The following IQCJ variants were observed in gnomAD, a reference collection of about 807,000 sequenced individuals.
IQCJ encodes IQ motif containing J.
Under a neutral mutation model 11.0 loss-of-function variants are expected in IQCJ, and 9 were observed. The observed-to-expected ratio is 0.82, with a 90% CI of 0.49 to 1.43. The LOEUF (loss-of-function observed/expected upper bound fraction) is 1.43. Ranked by LOEUF, IQCJ falls within the 40% of genes most tolerant of loss-of-function variation. The probability of loss-of-function intolerance (pLI) is 0.00; values close to 1 mark genes in which losing one functional copy is unlikely to be tolerated. For missense variants in IQCJ, 146 were observed against 133.2 expected, an observed-to-expected ratio of 1.10 and a Z score of -0.47; for synonymous variants, 55 against 51.3, an observed-to-expected ratio of 1.07 and a Z score of -0.31.
intron 2 of IQCJ, among the ~76,000 whole-genome samples, chr3:159,250,771 C>T (rs1727549452): frequency 6.6e-6 from 1 of 152,164 alleles, no homozygotes; most frequent in South Asian, 2.1e-4. Context: ...TTATTACAAT[C>T]CAAGGTGAGA....
At chr3:159,145,103 G>T (rs1720848493) in intron 1 of IQCJ, among the ~76,000 whole-genome samples, 1 of 152,164 alleles carries the variant, frequency 6.6e-6, no homozygotes, top group Non-Finnish European at 1.5e-5. Flanking sequence ...TCCTTCATCT[G>T]TCAGGAGTTT....
At chr3:159,161,004 G>A (rs1395628342) in intron 1 of IQCJ, among the ~76,000 whole-genome samples, 2 of 152,102 alleles carry the variant, frequency 1.3e-5, no homozygotes, top group African/African-American at 2.4e-5. Context: ...GTGTGCATGT[G>A]TCTTTATAGC....
At chr3:159,235,770 A>G (rs1000849241) in intron 1 of IQCJ, among the ~76,000 whole-genome samples, 5 of 152,344 alleles carry the variant, frequency 3.3e-5, no homozygotes, top group African/African-American at 1.2e-4. Context: ...ATGTGGCAGC[A>G]AAAGCTTTTA....
intron 1 of IQCJ, among the ~76,000 whole-genome samples, chr3:159,184,058 C>T (rs981198142): frequency 2.0e-5 from 3 of 151,580 alleles, no homozygotes; most frequent in African/African-American, 7.3e-5. Context: ...ACTTAAAATA[C>T]TTCAGTGATT....
chr3:159,101,219 G>A lies in IQCJ; in HGVS notation c.9+31778G>A, dbSNP rs559014781. ...CCCAGGTGAGGCAATGCCTCGCCCT[G>A]CTTCGGCTCGCGCACGGTGCGCACA... On this transcript the variant is annotated intron_variant, in intron 1 of 3. Transcript: ENST00000397832. Among the ~76,000 whole-genome samples, 33 of 148,418 alleles carry A rather than the reference G, an allele frequency of 2.2e-4. No homozygotes were observed. In the South Asian group the frequency reaches 7.0e-3, roughly 31 times the overall value.
At chr3:159,244,393 T>G (rs903236956) in intron 1 of IQCJ, among the ~76,000 whole-genome samples, 4 of 152,012 alleles carry the variant, frequency 2.6e-5, no homozygotes, top group South Asian at 2.1e-4. Context: ...CTCCACACCA[T>G]GTAGTATGTA....
At chr3:159,264,756 A>G (rs1269618392), downstream of IQCJ, among the ~76,000 whole-genome samples, 11 of 152,134 alleles carry the variant, frequency 7.2e-5, no homozygotes, top group East Asian at 2.1e-3. Context: ...TACCAAAAAT[A>G]CAAAAATTAG....
At chr3:159,157,072 T>G (rs756488208) in intron 1 of IQCJ, among the ~76,000 whole-genome samples, 3 of 152,168 alleles carry the variant, frequency 2.0e-5, no homozygotes, top group Non-Finnish European at 2.9e-5. Context: ...AGATTTACCT[T>G]CTTAATTGTG....
At chr3:159,188,434 A>G (rs577924118) in intron 1 of IQCJ, among the ~76,000 whole-genome samples, 1 of 152,258 alleles carries the variant, frequency 6.6e-6, no homozygotes, top group East Asian at 1.9e-4. Flanking sequence ...AAACAACAAC[A>G]AAAAACAAAA....
chr3:159,187,815 G>A (rs139595876), intron 1 of IQCJ, among the ~76,000 whole-genome samples: 19 of 152,278 alleles, frequency 1.2e-4, no homozygotes, highest in African/African-American at 4.6e-4. Context: ...TCACATTCTT[G>A]TCCTGAGAGT....
At chr3:159,159,738 T>C (rs975227317) in intron 1 of IQCJ, among the ~76,000 whole-genome samples, 8 of 152,208 alleles carry the variant, frequency 5.3e-5, no homozygotes, top group Admixed American at 2.0e-4. Context: ...GTTTGGGCCA[T>C]GAGGGTGGAT....
chr3:159,153,350 A>G (rs1577044890), intron 1 of IQCJ, among the ~76,000 whole-genome samples: 1 of 152,214 alleles, frequency 6.6e-6, no homozygotes, highest in Non-Finnish European at 1.5e-5. Flanking sequence ...TCCTCTATAC[A>G]ATATTCTAAT....
chr3:159,092,027 T>C (rs1717349218), intron 1 of IQCJ, among the ~76,000 whole-genome samples: 1 of 151,734 alleles, frequency 6.6e-6, no homozygotes. Context: ...ACTCTCAAAG[T>C]CTCACCCCTC....
chr3:159,123,531 G>A (rs930319251), intron 1 of IQCJ, among the ~76,000 whole-genome samples: 3 of 152,120 alleles, frequency 2.0e-5, no homozygotes, highest in Non-Finnish European at 4.4e-5. Context: ...TTGATTGGGT[G>A]GGTTGGGTTG....
intron 1 of IQCJ, among the ~76,000 whole-genome samples, chr3:159,172,553 CTCTTTGTGATAATGTGGCTTTA>C (rs1206744944): frequency 7.9e-5 from 12 of 152,016 alleles, no homozygotes; most frequent in Non-Finnish European, 1.8e-4. Flanking sequence ...ATTACCATTT[CTCTTTGTGATAATGTGGCTTTA>C]TCTTGGTTTG....
chr3:159,114,561 C>T (rs949188811), intron 1 of IQCJ, among the ~76,000 whole-genome samples: 2 of 146,626 alleles, frequency 1.4e-5, no homozygotes, highest in South Asian at 2.2e-4. Context: ...TCCACCCCCC[C>T]TCGGCCTCTC....
intron 1 of IQCJ, among the ~76,000 whole-genome samples, chr3:159,162,407 C>T (rs1490242233): frequency 6.6e-6 from 1 of 152,100 alleles, no homozygotes; most frequent in Non-Finnish European, 1.5e-5. Flanking sequence ...GCTGAAGTTG[C>T]TTATCAGCTT....
intron 1 of IQCJ, among the ~76,000 whole-genome samples, chr3:159,191,792 G>T (rs977412882): frequency 6.6e-6 from 1 of 152,170 alleles, no homozygotes; most frequent in African/African-American, 2.4e-5. Context: ...AGCCATTCTG[G>T]AAATACTCTG....
intron 3 of IQCJ, among the ~76,000 whole-genome samples, chr3:159,256,706 T>A (rs1727918245): frequency 6.6e-6 from 1 of 152,242 alleles, no homozygotes. Flanking sequence ...TAGTCTACTG[T>A]ATTTTTTCCA....
Sources: gnomAD v4.1 joint callset for allele counts (sites outside exome capture counted in the v4.1 genomes callset) on GRCh38, gnomAD v4.1.1 for gene constraint, MANE v1.5 for transcripts, NCBI Gene and HGNC (gene_info 2026-07-23, HGNC 2026-07-21) for gene names.